Variants in NLGN1 observed in about 807,000 individuals in gnomAD.
NLGN1 encodes the protein neuroligin-1.
A neutral mutation model predicts 65.5 loss-of-function variants in NLGN1; 12 were observed. The observed-to-expected ratio is 0.18, with a 90% CI of 0.12 to 0.30. The LOEUF is 0.30. Among genes scored for constraint, NLGN1 ranks in the 10% least tolerant of loss-of-function variants. The probability of loss-of-function intolerance (pLI) is 1.00; values close to 1 mark genes in which losing one functional copy is unlikely to be tolerated. For missense variants in NLGN1, 750 were observed against 1,007.1 expected, an observed-to-expected ratio of 0.74 and a Z score of 3.46; for synonymous variants, 350 against 359.5, an observed-to-expected ratio of 0.97 and a Z score of 0.30.
intron 4 of NLGN1, among the ~76,000 whole-genome samples, chr3:173,864,798 A>G (rs1729803241): frequency 6.6e-6 from 1 of 152,148 alleles, no homozygotes. Flanking sequence ...CCACAGAAAG[A>G]TTGTTAAAGC....
chr3:173,975,089 T>C (rs1659820200), intron 4 of NLGN1, among the ~76,000 whole-genome samples: 1 of 152,064 alleles, frequency 6.6e-6, no homozygotes, highest in African/African-American at 2.4e-5. Flanking sequence ...TGTGGCAGTG[T>C]CAGCATCGTG....
rs1770057838 is a variant in NLGN1 at position 173,717,491 on chromosome 3, C to T, written c.494-90189C>T. On this transcript the variant is annotated intron_variant, in intron 3 of 6. Transcript: ENST00000457714. ...AGCAATGGGAGTCAAACTGTTTTAG[C>T]CATGATCCATGGCTAATAACCTATG... Among the ~76,000 whole-genome samples, 3 of 152,004 alleles carry T rather than the reference C, an allele frequency of 2.0e-5. No homozygotes were observed. The South Asian group carries it at 6.2e-4, about 32-fold the overall frequency.
At chr3:174,266,582 G>T (rs1197861405) in intron 4 of NLGN1, among the ~76,000 whole-genome samples, 1 of 152,112 alleles carries the variant, frequency 6.6e-6, no homozygotes, top group Non-Finnish European at 1.5e-5. Flanking sequence ...CCGGTAGTGG[G>T]ATTGCTAGGT....
chr3:173,726,334 C>A (rs1004827866), intron 3 of NLGN1, among the ~76,000 whole-genome samples: 1 of 151,898 alleles, frequency 6.6e-6, no homozygotes, highest in African/African-American at 2.4e-5. Context: ...ATTCTTAATA[C>A]TTTCTGTTTT....
chr3:173,613,450 C>T (rs910122726), intron 3 of NLGN1, among the ~76,000 whole-genome samples: 13 of 152,052 alleles, frequency 8.5e-5, no homozygotes, highest in South Asian at 2.1e-4. Flanking sequence ...AGATAGGATA[C>T]GATGCATTAG....
chr3:173,943,558 G>C lies in NLGN1; in HGVS notation c.646+135726G>C, dbSNP rs1560691818. On this transcript the variant is annotated intron_variant, in intron 4 of 6. Coordinates refer to ENST00000457714, the Ensembl canonical transcript of NLGN1. Reference sequence around the variant, plus strand: ...ATGGCGAGTCTGGTCCCCTTGAATTGGGTAACATATTGTGTCATCTACTTT... The same window carrying C: ...ATGGCGAGTCTGGTCCCCTTGAATTCGGTAACATATTGTGTCATCTACTTT... Among the ~76,000 whole-genome samples the C allele has an allele frequency of 2.6e-5, 4 of 152,146 alleles. 1 individual carries two copies. In the South Asian group the frequency reaches 6.2e-4, roughly 24 times the overall value.
chr3:173,569,015 A>G (rs1744198851), intron 2 of NLGN1, among the ~76,000 whole-genome samples: 1 of 152,132 alleles, frequency 6.6e-6, no homozygotes, highest in African/African-American at 2.4e-5. Context: ...TTGTTTTCTC[A>G]GAGCTTTTCC....
At chr3:173,595,530 GTCT>G (rs1356761415) in intron 2 of NLGN1, among the ~76,000 whole-genome samples, 1 of 151,958 alleles carries the variant, frequency 6.6e-6, no homozygotes, top group African/African-American at 2.4e-5. Context: ...ACATTTTTCG[GTCT>G]TCTTCTGAGC....
At chr3:174,173,607 T>C (rs1481231945) in intron 4 of NLGN1, among the ~76,000 whole-genome samples, 1 of 152,050 alleles carries the variant, frequency 6.6e-6, no homozygotes, top group African/African-American at 2.4e-5. Context: ...TTTGTTGTTA[T>C]GATGTATCAC....
chr3:174,079,236 C>A (rs1254279658), intron 4 of NLGN1, among the ~76,000 whole-genome samples: 1 of 151,488 alleles, frequency 6.6e-6, no homozygotes, highest in African/African-American at 2.4e-5. Flanking sequence ...AGGACATGAA[C>A]AGAAAATTTT....
At chr3:173,517,753 T>TCTAC (rs1256791468) in intron 2 of NLGN1, among the ~76,000 whole-genome samples, 14 of 106,196 alleles carry the variant, frequency 1.3e-4, no homozygotes, top group African/African-American at 4.9e-4. Context: ...CGCAAATTTA[T>TCTAC]CTATCTATCT....
At chr3:173,679,042 A>G (rs527697276) in intron 3 of NLGN1, among the ~76,000 whole-genome samples, 1 of 152,046 alleles carries the variant, frequency 6.6e-6, no homozygotes, top group East Asian at 1.9e-4. Flanking sequence ...GAGTTTGAGG[A>G]CACTCAGGAA....
chr3:173,632,849 G>GTTTTTTTTTTTTTTTTTTTTTTTTTT (rs5854526), intron 3 of NLGN1, among the ~76,000 whole-genome samples: 5 of 116,426 alleles, frequency 4.3e-5, no homozygotes, highest in Admixed American at 9.4e-5. Context: ...TTTTTTTTTT[G>GTTTTTTTTTTTTTTTTTTTTTTTTTT]TTTTTTTTTT....
chr3:173,988,379 G>A (rs1278242302), intron 4 of NLGN1, among the ~76,000 whole-genome samples: 1 of 152,140 alleles, frequency 6.6e-6, no homozygotes, highest in East Asian at 1.9e-4. Flanking sequence ...CAAAATAGAT[G>A]AAGGTACAAA....
chr3:173,671,097 A>T (rs562614750), intron 3 of NLGN1, among the ~76,000 whole-genome samples: 17 of 152,182 alleles, frequency 1.1e-4, no homozygotes, highest in Non-Finnish European at 2.2e-4. Context: ...TCACTCTTAA[A>T]TACTTATGTG....
chr3:173,947,306 G>A (rs1043108259), intron 4 of NLGN1, among the ~76,000 whole-genome samples: 3 of 152,010 alleles, frequency 2.0e-5, no homozygotes, highest in Non-Finnish European at 4.4e-5. Flanking sequence ...ACAGGTGTTA[G>A]CCACCACGAC....
chr3:174,272,399 T>C (rs991775147), intron 4 of NLGN1, among the ~76,000 whole-genome samples: 15 of 151,774 alleles, frequency 9.9e-5, no homozygotes, highest in Admixed American at 7.2e-4. Flanking sequence ...CTGTATCTCT[T>C]TTGAGACAGC....
chr3:173,650,597 A>G (rs891250785), intron 3 of NLGN1, among the ~76,000 whole-genome samples: 2 of 152,252 alleles, frequency 1.3e-5, no homozygotes, highest in Non-Finnish European at 2.9e-5. Flanking sequence ...AGTGGTGTCT[A>G]TATGGTTTAC....
At chr3:173,874,283 T>C (rs187502904) in intron 4 of NLGN1, among the ~76,000 whole-genome samples, 51 of 152,298 alleles carry the variant, frequency 3.3e-4, no homozygotes, top group Non-Finnish European at 5.9e-4. Context: ...TTCTAACTGC[T>C]TTTTGTTCCA....
Sources: gnomAD v4.1 joint callset for allele counts (sites outside exome capture counted in the v4.1 genomes callset) on GRCh38, gnomAD v4.1.1 for gene constraint, MANE v1.5 for transcripts, NCBI Gene and HGNC (gene_info 2026-07-23, HGNC 2026-07-21) for gene names.